Variants in ST8SIA1 observed in about 807,000 individuals in gnomAD.
The protein encoded by ST8SIA1 is alpha-N-acetylneuraminide alpha-2,8-sialyltransferase.
In ST8SIA1, 16 loss-of-function variants were observed where a neutral mutation model predicts 35.9. The ratio of observed to expected loss-of-function variants is 0.45; its 90% CI spans 0.30 to 0.68. ST8SIA1 has a LOEUF of 0.68. Among genes scored for constraint, ST8SIA1 ranks in the 30% least tolerant of loss-of-function variants. The pLI is 0.09. For synonymous variants in ST8SIA1, 170 were observed against 169.6 expected (o/e 1.00, Z -0.02); for missense variants, 383 against 453.6 (o/e 0.84, Z 1.41).
chr12:22,309,805 G>A (rs947012760), intron 1 of ST8SIA1, among the ~76,000 whole-genome samples: 2 of 152,134 alleles, frequency 1.3e-5, no homozygotes, highest in East Asian at 3.8e-4. Flanking sequence ...GAAGAAAGGA[G>A]GGCCTACAGG....
chr12:22,292,034 C>T (rs1160072051), intron 1 of ST8SIA1, among the ~76,000 whole-genome samples: 1 of 152,014 alleles, frequency 6.6e-6, no homozygotes, highest in South Asian at 2.1e-4. Flanking sequence ...ATTTTACATA[C>T]TGACACTCAA....
At chr12:22,224,118 GT>G (rs1445221672) in intron 4 of ST8SIA1, among the ~76,000 whole-genome samples, 1 of 151,782 alleles carries the variant, frequency 6.6e-6, no homozygotes, top group African/African-American at 2.4e-5. Context: ...TTCTACTTTG[GT>G]TGTTAAAAAT....
At chr12:22,303,119 T>C (rs911432812) in intron 1 of ST8SIA1, among the ~76,000 whole-genome samples, 1 of 152,170 alleles carries the variant, frequency 6.6e-6, no homozygotes, top group Admixed American at 6.5e-5. Flanking sequence ...GGGTTCACAT[T>C]TTGGTAACCA....
At chr12:22,220,901 G>A (rs1303333681) in intron 4 of ST8SIA1, among the ~76,000 whole-genome samples, 2 of 152,194 alleles carry the variant, frequency 1.3e-5, no homozygotes, top group Non-Finnish European at 2.9e-5. Flanking sequence ...CTTCTCTGCT[G>A]TCCCAGTAAT....
chr12:22,247,694 TG>T (rs2120746052), intron 4 of ST8SIA1, among the ~76,000 whole-genome samples: 1 of 152,164 alleles, frequency 6.6e-6, no homozygotes, highest in South Asian at 2.1e-4. Context: ...AAAGAAAGAT[TG>T]TTTTTATAAA....
chr12:22,204,253 C>CT (rs1865082243), intron 4 of ST8SIA1, among the ~76,000 whole-genome samples: 1 of 152,112 alleles, frequency 6.6e-6, no homozygotes, highest in South Asian at 2.1e-4. Flanking sequence ...GAACTTTCCC[C>CT]TTCAACGCTA....
At chr12:22,291,814 G>GT (rs933090826) in intron 1 of ST8SIA1, among the ~76,000 whole-genome samples, 1 of 152,110 alleles carries the variant, frequency 6.6e-6, no homozygotes, top group Non-Finnish European at 1.5e-5. Context: ...AAAGCTGTTA[G>GT]TTTTATGTAC....
intron 4 of ST8SIA1, chr12:22,223,915 T>TTA: frequency 1.3e-6 from 1 of 758,516 alleles, no homozygotes; most frequent in Non-Finnish European, 1.7e-6. Flanking sequence ...TCTTTATCCT[T>TTA]TATACATTGC....
At position 22,194,478 on chromosome 12, in the gene ST8SIA1, A is replaced by T. The variant is rs1418794813; in HGVS notation, c.*7074T>A. On this transcript the variant is annotated 3_prime_UTR_variant, in exon 5 of 5. Transcript: ENST00000396037. ...AACGATACAACTTGGAACAGACATG[A>T]TTACATCTCTAAAGTGACAGAGGTA... 6.6e-6 allele frequency: 1 copy of T among 152,176 alleles called. No homozygotes were observed. The highest frequency in any genetic ancestry group is 1.5e-5 in the Non-Finnish European group (1 of 68,026). 9.4% of individuals were successfully genotyped at this position (152,176 alleles called of 1,614,324 possible).
chr12:22,273,381 A>C (rs1269267464), intron 2 of ST8SIA1, among the ~76,000 whole-genome samples: 1 of 152,156 alleles, frequency 6.6e-6, no homozygotes, highest in Non-Finnish European at 1.5e-5. Context: ...CAATCAATAC[A>C]AGCTACCTAT....
intron 4 of ST8SIA1, among the ~76,000 whole-genome samples, chr12:22,214,998 C>T (rs1341249933): frequency 6.6e-6 from 1 of 152,152 alleles, no homozygotes; most frequent in East Asian, 1.9e-4. Context: ...TAGCTTTTCC[C>T]TGAGTAGAAG....
chr12:22,219,033 C>A (rs1316462345), intron 4 of ST8SIA1, among the ~76,000 whole-genome samples: 1 of 152,014 alleles, frequency 6.6e-6, no homozygotes, highest in African/African-American at 2.4e-5. Flanking sequence ...TAAAATGTAT[C>A]ATCTTTATTT....
In ST8SIA1 at chr12:22,310,866, A is replaced by G. The variant is rs536784377; in HGVS notation, c.236+23131T>C. ...ACACAAGCTGAACAGAAGAGCTGAGACACGCATTATAGCCCCTGTAAGTGT... is the reference window on the plus strand; with the variant it reads ...ACACAAGCTGAACAGAAGAGCTGAGGCACGCATTATAGCCCCTGTAAGTGT... On this transcript the variant is annotated intron_variant, in intron 1 of 4. Transcript: ENST00000396037. 2.6e-3 allele frequency among the ~76,000 whole-genome samples: 389 copies of G among 152,326 alleles called. 3 individuals are homozygous for G. Among genetic ancestry groups the G allele is most frequent in the African/African-American group, 8.7e-3 (363 of 41,578 alleles).
intron 2 of ST8SIA1, among the ~76,000 whole-genome samples, chr12:22,285,593 C>T (rs758432012): frequency 5.9e-5 from 9 of 152,076 alleles, no homozygotes; most frequent in Non-Finnish European, 1.0e-4. Context: ...GTTTTACAGT[C>T]GGGCGCGGTG....
chr12:22,273,569 C>T (rs918230589), intron 2 of ST8SIA1, among the ~76,000 whole-genome samples: 36 of 152,300 alleles, frequency 2.4e-4, no homozygotes, highest in African/African-American at 8.7e-4. Flanking sequence ...CCAGACCTAG[C>T]TGAGCTAACG....
intron 4 of ST8SIA1, among the ~76,000 whole-genome samples, chr12:22,240,505 A>G (rs1253630387): frequency 6.6e-6 from 1 of 152,134 alleles, no homozygotes; most frequent in Non-Finnish European, 1.5e-5. Flanking sequence ...GATACAAACA[A>G]TGATAAGCTG....
At chr12:22,242,965 C>A (rs1464544723) in intron 4 of ST8SIA1, among the ~76,000 whole-genome samples, 1 of 152,182 alleles carries the variant, frequency 6.6e-6, no homozygotes, top group Non-Finnish European at 1.5e-5. Context: ...GCACTCCAAA[C>A]AAGATATCCT....
chr12:22,265,821 T>C (rs1387763125), intron 2 of ST8SIA1, among the ~76,000 whole-genome samples: 1 of 152,086 alleles, frequency 6.6e-6, no homozygotes, highest in African/African-American at 2.4e-5. Flanking sequence ...AGTTCTTGCC[T>C]ATCATCAATC....
intron 4 of ST8SIA1, among the ~76,000 whole-genome samples, chr12:22,230,265 A>G (rs1865403739): frequency 6.6e-6 from 1 of 152,124 alleles, no homozygotes; most frequent in Admixed American, 6.5e-5. Flanking sequence ...TTTTCACAGA[A>G]TTTGTTGCCA....
Sources: gnomAD v4.1 joint callset for allele counts (sites outside exome capture counted in the v4.1 genomes callset) on GRCh38, gnomAD v4.1.1 for gene constraint, MANE v1.5 for transcripts, NCBI Gene and HGNC (gene_info 2026-07-23, HGNC 2026-07-21) for gene names.